Variants in B3GALT1 observed in about 807,000 individuals in gnomAD.
B3GALT1 encodes the protein UDP-Gal:betaGlcNAc beta 1,3-galactosyltransferase, polypeptide 1.
A neutral mutation model predicts 23.2 loss-of-function variants in B3GALT1; 10 were observed. The observed-to-expected ratio is 0.43, with a 90% CI of 0.27 to 0.73. The LOEUF is 0.73. Ranked by LOEUF, B3GALT1 falls within the 30% of genes least tolerant of loss-of-function variation. B3GALT1 has a pLI of 0.21. For synonymous variants in B3GALT1, 156 were observed against 141.5 expected (o/e 1.10, Z -0.73); for missense variants, 299 against 405.4 (o/e 0.74, Z 2.25).
chr2:167,513,713 T>C (rs1298093240), intron 2 of B3GALT1, among the ~76,000 whole-genome samples: 1 of 152,172 alleles, frequency 6.6e-6, no homozygotes, highest in Non-Finnish European at 1.5e-5. Context: ...GGGTTTATTA[T>C]ATACTGTTCT....
At chr2:167,816,360 A>AAGTT (rs1322001632) in intron 3 of B3GALT1, among the ~76,000 whole-genome samples, 10 of 152,212 alleles carry the variant, frequency 6.6e-5, no homozygotes, top group African/African-American at 2.4e-4. Flanking sequence ...TTCAAGATAA[A>AAGTT]AGTTACATCT....
chr2:167,806,648 G>C (rs1478929759), intron 3 of B3GALT1, among the ~76,000 whole-genome samples: 1 of 152,174 alleles, frequency 6.6e-6, no homozygotes, highest in South Asian at 2.1e-4. Context: ...AACCAGCCTT[G>C]CATCCCAGGG....
intron 3 of B3GALT1, among the ~76,000 whole-genome samples, chr2:167,670,878 A>C (rs1048961273): frequency 6.6e-6 from 1 of 152,182 alleles, no homozygotes. Context: ...AAGAGTGAAT[A>C]AAGCTTCTGC....
intron 3 of B3GALT1, among the ~76,000 whole-genome samples, chr2:167,664,541 A>G (rs932024417): frequency 2.2e-4 from 34 of 151,414 alleles, no homozygotes; most frequent in Non-Finnish European, 4.1e-4. Context: ...GAATCTGTGA[A>G]TTACCTTGGG....
intron 1 of B3GALT1, among the ~76,000 whole-genome samples, chr2:167,363,253 A>G (rs897137270): frequency 9.9e-5 from 15 of 151,658 alleles, no homozygotes; most frequent in African/African-American, 3.2e-4. Flanking sequence ...TCTAAAATGT[A>G]TCCTGTTCGT....
At chr2:167,572,662 A>G (rs1296299509) in intron 2 of B3GALT1, among the ~76,000 whole-genome samples, 1 of 151,782 alleles carries the variant, frequency 6.6e-6, no homozygotes, top group Non-Finnish European at 1.5e-5. Context: ...TCCACTTTGC[A>G]CTGAGTGTTT....
intron 2 of B3GALT1, among the ~76,000 whole-genome samples, chr2:167,556,140 G>T (rs1417063694): frequency 6.6e-6 from 1 of 151,990 alleles, no homozygotes; most frequent in Admixed American, 6.6e-5. Flanking sequence ...TAATCAGAAG[G>T]ACAGGTAATG....
intron 3 of B3GALT1, among the ~76,000 whole-genome samples, chr2:167,789,262 C>T (rs1688394568): frequency 6.6e-6 from 1 of 152,164 alleles, no homozygotes; most frequent in African/African-American, 2.4e-5. Context: ...CTCCTGATGA[C>T]AGTCCTGAGC....
chr2:167,447,607 C>G (rs1699020757), intron 1 of B3GALT1, among the ~76,000 whole-genome samples: 1 of 152,132 alleles, frequency 6.6e-6, no homozygotes, highest in South Asian at 2.1e-4. Flanking sequence ...AGTTGGATCT[C>G]AGACTGCTGT....
intron 4 of B3GALT1, among the ~76,000 whole-genome samples, chr2:167,835,990 A>G (rs905078776): frequency 6.6e-6 from 1 of 152,182 alleles, no homozygotes; most frequent in Non-Finnish European, 1.5e-5. Flanking sequence ...TAGAAGGAAA[A>G]CTAACAAACA....
chr2:167,701,629 A>G (rs1686883396), intron 3 of B3GALT1, among the ~76,000 whole-genome samples: 1 of 152,180 alleles, frequency 6.6e-6, no homozygotes, highest in African/African-American at 2.4e-5. Flanking sequence ...TGACTTCTTT[A>G]TGCGCCTTTG....
chr2:167,472,109 A>C (rs1174605108), intron 1 of B3GALT1, among the ~76,000 whole-genome samples: 1 of 152,204 alleles, frequency 6.6e-6, no homozygotes, highest in African/African-American at 2.4e-5. Flanking sequence ...TTCATCCTAA[A>C]TATAATTAGT....
At position 167,563,866 on chromosome 2, in the gene B3GALT1, G is replaced by A. The variant is rs1239909660; in HGVS notation, c.-410+73589G>A. Among the ~76,000 whole-genome samples the A allele has an allele frequency of 7.7e-5, 11 of 142,412 alleles. No homozygotes were observed. In the South Asian group the frequency reaches 1.6e-3, roughly 20 times the overall value. 93.4% of individuals were successfully genotyped at this position (142,412 alleles called of 152,430 possible). A position where few individuals can be genotyped will look rare whatever the true frequency, so the allele number is the denominator to read the frequency against. ...CCAGCAGGGGCGGCCGGGCAGAGGC[G>A]CCCCTCATCTGCCGGACGGGGCGGC... is the stretch of plus-strand genomic sequence containing the variant. On this transcript the variant is annotated intron_variant, in intron 2 of 4. Coordinates refer to ENST00000392690, the MANE Select transcript of B3GALT1 (RefSeq NM_020981.4).
At chr2:167,451,072 C>G (rs1699083318) in intron 1 of B3GALT1, among the ~76,000 whole-genome samples, 1 of 151,876 alleles carries the variant, frequency 6.6e-6, no homozygotes, top group Non-Finnish European at 1.5e-5. Context: ...TGTTATTTCC[C>G]TGAAGATTTC....
intron 1 of B3GALT1, among the ~76,000 whole-genome samples, chr2:167,435,118 G>T (rs961726203): frequency 3.3e-5 from 5 of 151,906 alleles, no homozygotes; most frequent in African/African-American, 9.7e-5. Context: ...TATTCTTGAA[G>T]TGAATAACTT....
At chr2:167,610,361 T>C (rs751139017) in intron 2 of B3GALT1, among the ~76,000 whole-genome samples, 1 of 152,106 alleles carries the variant, frequency 6.6e-6, no homozygotes, top group Non-Finnish European at 1.5e-5. Flanking sequence ...CTTATGCACA[T>C]TGGAAAACAT....
At chr2:167,585,583 G>C (rs560752345) in intron 2 of B3GALT1, among the ~76,000 whole-genome samples, 1 of 152,312 alleles carries the variant, frequency 6.6e-6, no homozygotes, top group Admixed American at 6.5e-5. Context: ...GAACTAGTGG[G>C]AACGTATATT....
intron 3 of B3GALT1, among the ~76,000 whole-genome samples, chr2:167,745,733 T>C (rs191726367): frequency 6.6e-6 from 1 of 152,314 alleles, no homozygotes; most frequent in African/African-American, 2.4e-5. Context: ...TCTGCAGTTT[T>C]ACTGGATATG....
chr2:167,373,259 G>A (rs1219179458), intron 1 of B3GALT1, among the ~76,000 whole-genome samples: 1 of 151,840 alleles, frequency 6.6e-6, no homozygotes, highest in Non-Finnish European at 1.5e-5. Flanking sequence ...AAAAACAACA[G>A]TATGAAGCTA....
Sources: allele counts gnomAD v4.1 joint callset (sites outside exome capture counted in the v4.1 genomes callset), GRCh38; gene constraint gnomAD v4.1.1; transcripts MANE v1.5; gene names NCBI Gene and HGNC (gene_info 2026-07-23, HGNC 2026-07-21).